CNTN5: variants seen among roughly 807,000 people sequenced by gnomAD.
CNTN5 encodes contactin 5.
In CNTN5, 77 loss-of-function variants were observed where a neutral mutation model predicts 129.1. The ratio of observed to expected loss-of-function variants is 0.60; its 90% CI spans 0.50 to 0.72. The LOEUF (loss-of-function observed/expected upper bound fraction) is 0.72, where lower values mean the gene tolerates loss of function less well. Ranked by LOEUF, CNTN5 falls within the 30% of genes least tolerant of loss-of-function variation. The pLI, the probability that CNTN5 is intolerant of heterozygous loss-of-function variation, is 0.00. For missense variants in CNTN5, 1,478 were observed against 1,328.8 expected (o/e 1.11, Z -1.75); for synonymous variants, 509 against 465.6 (o/e 1.09, Z -1.20).
At chr11:99,628,777 A>G (rs993959987) in intron 3 of CNTN5, among the ~76,000 whole-genome samples, 1 of 151,962 alleles carries the variant, frequency 6.6e-6, no homozygotes, top group Admixed American at 6.6e-5. Context: ...CTTCTGTTTG[A>G]TTTTTTTCCT....
At chr11:99,971,823 A>T (rs1162816346) in intron 8 of CNTN5, among the ~76,000 whole-genome samples, 1 of 150,624 alleles carries the variant, frequency 6.6e-6, no homozygotes, top group Non-Finnish European at 1.5e-5. Context: ...TTTTTAAATT[A>T]TAATATTTAA....
intron 2 of CNTN5, among the ~76,000 whole-genome samples, chr11:99,532,707 C>T (rs577589820): frequency 6.6e-6 from 1 of 152,246 alleles, no homozygotes; most frequent in African/African-American, 2.4e-5. Context: ...TTTCTTTCTT[C>T]CTCATTCTCT....
intron 1 of CNTN5, among the ~76,000 whole-genome samples, chr11:99,292,927 G>A (rs1591480084): frequency 6.6e-6 from 1 of 152,092 alleles, no homozygotes; most frequent in South Asian, 2.1e-4. Context: ...GGTTATTCAT[G>A]TATAAGGCTG....
In CNTN5 at chr11:100,127,692, CTT is replaced by C. The variant is rs1441191837; in HGVS notation, c.1580+53399_1580+53400del. Reference sequence around the variant, plus strand: ...TTTTTTTTTGAGATGGAGTCTCTCTCTTGTCACCCAGGCTGGAGTGCAATGGC... The same window carrying C: ...TTTTTTTTTGAGATGGAGTCTCTCTCGTCACCCAGGCTGGAGTGCAATGGC... On this transcript the variant is annotated intron_variant, in intron 13 of 24. Transcript: ENST00000524871. Among the ~76,000 whole-genome samples the C allele has an allele frequency of 2.3e-4, 26 of 114,300 alleles. 1 individual carries two copies. The highest frequency in any genetic ancestry group is 3.8e-4 in the Non-Finnish European group (23 of 59,892). 75.0% of individuals were successfully genotyped at this position (114,300 alleles called of 152,430 possible). A position where few individuals can be genotyped will look rare whatever the true frequency, so the allele number is the denominator to read the frequency against.
intron 3 of CNTN5, among the ~76,000 whole-genome samples, chr11:99,653,179 T>A (rs993252035): frequency 2.6e-5 from 4 of 152,026 alleles, no homozygotes; most frequent in Non-Finnish European, 5.9e-5. Flanking sequence ...ATTTTACTAA[T>A]TTGTTCAAGT....
chr11:99,413,050 C>T (rs1008462609), intron 2 of CNTN5, among the ~76,000 whole-genome samples: 7 of 152,130 alleles, frequency 4.6e-5, no homozygotes, highest in Admixed American at 2.0e-4. Context: ...CTCTTTGCAC[C>T]TTGTTAACCT....
At chr11:99,096,783 G>T (rs1866484832) in intron 1 of CNTN5, among the ~76,000 whole-genome samples, 2 of 151,608 alleles carry the variant, frequency 1.3e-5, no homozygotes, top group Admixed American at 1.3e-4. Context: ...CGTATGAAGG[G>T]TGTATCTGAT....
intron 1 of CNTN5, among the ~76,000 whole-genome samples, chr11:99,055,634 G>T (rs1339843155): frequency 2.6e-5 from 4 of 151,754 alleles, no homozygotes; most frequent in Non-Finnish European, 5.9e-5. Context: ...TTTCTCATAA[G>T]CTGTATGGTG....
At chr11:99,386,846 A>G (rs1565540449) in intron 2 of CNTN5, among the ~76,000 whole-genome samples, 1 of 152,138 alleles carries the variant, frequency 6.6e-6, no homozygotes, top group East Asian at 1.9e-4. Context: ...CAATCAACAA[A>G]TAACCTCCAT....
Position 100,356,408 on chromosome 11 carries a change from G to A in CNTN5, c.*188G>A, listed in dbSNP as rs1952527114. The A allele has an allele frequency of 1.7e-6, 1 of 592,284 alleles. No homozygotes were observed. Among genetic ancestry groups the A allele is most frequent in the Non-Finnish European group, 3.0e-6 (1 of 331,846 alleles). 36.7% of individuals were successfully genotyped at this position (592,284 alleles called of 1,614,324 possible). On this transcript the variant is annotated 3_prime_UTR_variant, in exon 25 of 25. Coordinates refer to ENST00000524871, the MANE Select transcript of CNTN5 (RefSeq NM_014361.4). ...TCCATCAGGTTTCTCTTTGGTTTTTGTAAACGGAGAGGACAGTTCTTAGTC... is the reference window on the plus strand; with the variant it reads ...TCCATCAGGTTTCTCTTTGGTTTTTATAAACGGAGAGGACAGTTCTTAGTC...
intron 2 of CNTN5, among the ~76,000 whole-genome samples, chr11:99,426,528 T>C (rs147545129): frequency 0.031 from 4,696 of 152,298 alleles, 121 homozygotes; most frequent in Non-Finnish European, 0.048. Context: ...CTTTTTATAA[T>C]CTTTTACAAT....
intron 7 of CNTN5, among the ~76,000 whole-genome samples, chr11:99,951,793 C>T (rs1353586355): frequency 6.6e-6 from 1 of 152,098 alleles, no homozygotes; most frequent in Admixed American, 6.5e-5. Context: ...CTCTCTGACT[C>T]ATATTCTCAA....
chr11:99,815,401 A>C (rs768924110), intron 3 of CNTN5, among the ~76,000 whole-genome samples: 7 of 152,048 alleles, frequency 4.6e-5, no homozygotes, highest in South Asian at 2.1e-4. Flanking sequence ...GTCATAGAAA[A>C]GGGCTGGGCA....
At chr11:99,373,204 C>T (rs1939938270) in intron 2 of CNTN5, among the ~76,000 whole-genome samples, 1 of 151,928 alleles carries the variant, frequency 6.6e-6, no homozygotes, top group African/African-American at 2.4e-5. Flanking sequence ...AACGAAACTC[C>T]ATCTCATATA....
At chr11:99,344,926 T>C (rs1937720286) in intron 2 of CNTN5, among the ~76,000 whole-genome samples, 1 of 152,206 alleles carries the variant, frequency 6.6e-6, no homozygotes, top group Admixed American at 6.5e-5. Context: ...GATTAGACAT[T>C]TCTGGACCTC....
chr11:100,149,565 G>C (rs1012294055), intron 13 of CNTN5, among the ~76,000 whole-genome samples: 10 of 151,960 alleles, frequency 6.6e-5, no homozygotes, highest in African/African-American at 2.4e-4. Context: ...ATACATTTGG[G>C]TGTAGCACAA....
intron 13 of CNTN5, among the ~76,000 whole-genome samples, chr11:100,109,271 CA>C (rs1267520242): frequency 6.6e-6 from 1 of 152,068 alleles, no homozygotes; most frequent in Non-Finnish European, 1.5e-5. Context: ...ACTAAGAATA[CA>C]AAAATTAGCC....
chr11:99,315,243 AG>A lies in CNTN5; in HGVS notation c.-209-10102del, dbSNP rs1159853386. 2.3e-4 allele frequency among the ~76,000 whole-genome samples: 32 copies of A among 141,332 alleles called. 7 individuals are homozygous for A. Among genetic ancestry groups the A allele is most frequent in the Admixed American group, 2.1e-4 (3 of 14,290 alleles). 92.7% of individuals were successfully genotyped at this position (141,332 alleles called of 152,430 possible). On this transcript the variant is annotated intron_variant, in intron 1 of 24. Coordinates refer to ENST00000524871, the MANE Select transcript of CNTN5 (RefSeq NM_014361.4). The stretch of plus-strand genomic sequence containing the variant: ...ATCAGATAATGATTTAGAAAAAAAA[AG>A]TATTACAAATGACCTCAGGCTAAAC...
chr11:100,132,714 A>G (rs1946412814), intron 13 of CNTN5, among the ~76,000 whole-genome samples: 1 of 152,148 alleles, frequency 6.6e-6, no homozygotes, highest in Admixed American at 6.6e-5. Flanking sequence ...CAAGTGTTTC[A>G]TACGTATTTT....
Sources: allele counts gnomAD v4.1 joint callset (sites outside exome capture counted in the v4.1 genomes callset), GRCh38; gene constraint gnomAD v4.1.1; transcripts MANE v1.5; gene names NCBI Gene and HGNC (gene_info 2026-07-23, HGNC 2026-07-21).